Variants in PDZD9 observed in about 807,000 individuals in gnomAD.
PDZD9 encodes the protein PDZ domain-containing protein 9.
PDZD9 carries 13 observed loss-of-function variants against 16.3 expected under a neutral mutation model. The ratio of observed to expected loss-of-function variants is 0.80; its 90% CI spans 0.52 to 1.27. PDZD9 has a LOEUF of 1.27. Ranked by LOEUF, PDZD9 falls within the 50% of genes most tolerant of loss-of-function variation. The pLI, the probability that PDZD9 is intolerant of heterozygous loss-of-function variation, is 0.00. For synonymous variants in PDZD9, 120 were observed against 111.0 expected (o/e 1.08, Z -0.51); for missense variants, 288 against 310.9 (o/e 0.93, Z 0.55).
chr16:21,988,928 CTTTTTTTT>C (rs60488437), intron 2 of PDZD9, 137 bp from the exon 3 acceptor site: 2 of 345,492 alleles, frequency 5.8e-6, no homozygotes, highest in South Asian at 4.2e-5. Flanking sequence ...AGGCTTCAGC[CTTTTTTTT>C]TTTTTTTTTT....
chr16:21,984,700 G>C, intron 3 of PDZD9, 40 bp from the exon 4 acceptor site: 1 of 1,428,074 alleles, frequency 7.0e-7, no homozygotes, highest in Non-Finnish European at 9.2e-7. Flanking sequence ...GATTCTTCAT[G>C]TCTAAACATT....
chr16:21,962,991 A>G, the PDZD9 span: 1 of 1,352,314 alleles, frequency 7.4e-7, no homozygotes. Context: ...TTTTATTTTT[A>G]TTTATTTATT....
chr16:21,978,312 A>G, the PDZD9 span, among the ~76,000 whole-genome samples: 1 of 152,240 alleles, frequency 6.6e-6, no homozygotes, highest in African/African-American at 2.4e-5. Flanking sequence ...AATTGTAATT[A>G]TGTTTAAATG....
chr16:21,971,598 T>G, the PDZD9 span: 1 of 1,614,158 alleles, frequency 6.2e-7, no homozygotes, highest in Non-Finnish European at 8.5e-7. Context: ...GTTTATCTGG[T>G]GCAAAGGCCA....
At chr16:21,983,503 A>G (rs1898787916), downstream of PDZD9, 1 of 335,602 alleles carries the variant, frequency 3.0e-6, no homozygotes, top group Non-Finnish European at 5.3e-6. Flanking sequence ...CTATCGGGGT[A>G]AATAGTGCCA....
At chr16:21,980,797 T>C, downstream of PDZD9, 1 of 1,444,310 alleles carries the variant, frequency 6.9e-7, no homozygotes, top group African/African-American at 1.4e-5. Context: ...CAGTGTATTA[T>C]TCTTATGTTT....
At chr16:21,985,466 T>G (rs1008038226) in intron 3 of PDZD9, among the ~76,000 whole-genome samples, 1 of 152,076 alleles carries the variant, frequency 6.6e-6, no homozygotes, top group Non-Finnish European at 1.5e-5. Context: ...TGTTGTTGTT[T>G]TTAACTTTCT....
At chr16:21,998,950 C>A (rs1222043340) in intron 1 of PDZD9, 2 of 228,434 alleles carry the variant, frequency 8.8e-6, no homozygotes, top group South Asian at 8.1e-5. Context: ...CTATGGCAGC[C>A]ATCCATGAGA....
chr16:21,961,668 A>ATATATATT, the PDZD9 span, among the ~76,000 whole-genome samples: 12 of 116,050 alleles, frequency 1.0e-4, no homozygotes, highest in Non-Finnish European at 2.1e-4. Context: ...ATATATATAT[A>ATATATATT]TTTTAGACAG....
At chr16:21,986,183 T>G (rs911098232) in intron 3 of PDZD9, among the ~76,000 whole-genome samples, 5 of 152,326 alleles carry the variant, frequency 3.3e-5, no homozygotes, top group East Asian at 3.9e-4. Flanking sequence ...TGGAAAAGTT[T>G]ATACTAGCTT....
chr16:21,973,825 G>A, the PDZD9 span: 3 of 1,449,522 alleles, frequency 2.1e-6, no homozygotes, highest in East Asian at 4.6e-5. Flanking sequence ...TTTTTTCTAG[G>A]CAAACTTAAA....
At chr16:21,987,434 A>G (rs1211307419) in intron 3 of PDZD9, among the ~76,000 whole-genome samples, 1 of 152,094 alleles carries the variant, frequency 6.6e-6, no homozygotes, top group African/African-American at 2.4e-5. Flanking sequence ...GAAAAAAAAA[A>G]TACAGTTTTG....
chr16:21,976,883 A>G, the PDZD9 span: 4 of 152,228 alleles, frequency 2.6e-5, no homozygotes, highest in Non-Finnish European at 4.4e-5. Context: ...AATTTAAACA[A>G]TATTCATTGG....
At chr16:21,977,449 T>C in the PDZD9 span, among the ~76,000 whole-genome samples, 1 of 152,196 alleles carries the variant, frequency 6.6e-6, no homozygotes, top group South Asian at 2.1e-4. Flanking sequence ...TATTCTACAA[T>C]AGTTTCTTTC....
chr16:21,970,609 A>G, the PDZD9 span, among the ~76,000 whole-genome samples: 1 of 152,134 alleles, frequency 6.6e-6, no homozygotes, highest in Non-Finnish European at 1.5e-5. Context: ...TTTTTGAGAC[A>G]GAGGCTTGCT....
the PDZD9 span, chr16:21,957,635 T>C: frequency 6.4e-7 from 1 of 1,556,514 alleles, no homozygotes; most frequent in Admixed American, 1.9e-5. Flanking sequence ...AAAGAAAAAC[T>C]AAGATCAATG....
At chr16:22,000,358 CA>C (rs113217873) in intron 1 of PDZD9, among the ~76,000 whole-genome samples, 132 of 115,056 alleles carry the variant, frequency 1.1e-3, no homozygotes, top group Middle Eastern at 4.5e-3. Context: ...ATGGAAAAGG[CA>C]AAAAAAAAAA....
chr16:21,997,770 C>A (rs1899186964), intron 1 of PDZD9, among the ~76,000 whole-genome samples: 1 of 152,200 alleles, frequency 6.6e-6, no homozygotes, highest in African/African-American at 2.4e-5. Flanking sequence ...CTAGGAAACT[C>A]CTTTTCGGTA....
In PDZD9 at chr16:21,988,582, T is replaced by TG. The variant is rs1382039255; in HGVS notation, c.401+19_401+20insC. 1 of 1,574,130 alleles carries TG rather than the reference T, an allele frequency of 6.4e-7. No homozygotes were observed. The highest frequency in any genetic ancestry group is 8.7e-7 in the Non-Finnish European group (1 of 1,150,626). On this transcript the variant is annotated intron_variant, in intron 3 of 3. Coordinates refer to ENST00000424898, the MANE Select transcript of PDZD9 (RefSeq NM_001363519.1). Reference sequence around the variant, plus strand: ...GGGATTCTGTATTATAACAAAGAGTTCCTAAAATGAACTATTTACCTTGTT... The same window carrying TG: ...GGGATTCTGTATTATAACAAAGAGTTGCCTAAAATGAACTATTTACCTTGTT...
Sources: allele counts gnomAD v4.1 joint callset (sites outside exome capture counted in the v4.1 genomes callset), GRCh38; gene constraint gnomAD v4.1.1; transcripts MANE v1.5; gene names NCBI Gene and HGNC (gene_info 2026-07-23, HGNC 2026-07-21).